Variants in WDFY4 observed in about 807,000 individuals in gnomAD.
WDFY4 encodes WDFY family member 4, also known as WD repeat- and FYVE domain-containing protein 4.
WDFY4 carries 169 observed loss-of-function variants against 351.9 expected under a neutral mutation model. The ratio of observed to expected loss-of-function variants is 0.48; its 90% CI spans 0.42 to 0.55. The LOEUF (loss-of-function observed/expected upper bound fraction) is 0.55. Among genes scored for constraint, WDFY4 ranks in the 20% least tolerant of loss-of-function variants. The pLI, the probability that WDFY4 is intolerant of heterozygous loss-of-function variation, is 0.00. For missense variants in WDFY4, 3,803 were observed against 3,935.6 expected, an observed-to-expected ratio of 0.97 and a Z score of 0.90; for synonymous variants, 1,622 against 1,574.6, an observed-to-expected ratio of 1.03 and a Z score of -0.71.
intron 2 of WDFY4, among the ~76,000 whole-genome samples, chr10:48,713,468 C>T (rs1248026533): frequency 1.3e-5 from 2 of 152,232 alleles, no homozygotes; most frequent in Non-Finnish European, 2.9e-5. Context: ...TAGGCAAGTA[C>T]AAAGGTGGGC....
chr10:48,830,994 C>A, intron 38 of WDFY4, 109 bp downstream of exon 38: 1 of 1,086,844 alleles, frequency 9.2e-7, no homozygotes. Flanking sequence ...GACCCTCTGT[C>A]TCATCCCTTA....
rs954252502 is a variant in WDFY4 at position 48,981,482 on chromosome 10, A to G, written c.9488+4A>G. Reference sequence around the variant, plus strand: ...TGACTGCTCTGGCCGTGTCCAGGTAAGCGCGGCCTTGTTTCTCTGGGTCTC... The same window carrying G: ...TGACTGCTCTGGCCGTGTCCAGGTAGGCGCGGCCTTGTTTCTCTGGGTCTC... On this transcript the variant is annotated splice_donor_region_variant and intron_variant, in intron 61 of 61. Transcript: ENST00000325239. 1 of 1,551,460 alleles carries G rather than the reference A, an allele frequency of 6.4e-7. No individual in the cohort carries two copies. Among genetic ancestry groups the G allele is most frequent in the Admixed American group, 2.0e-5 (1 of 51,000 alleles).
chr10:48,951,407 G>A (rs1293359202), intron 51 of WDFY4, among the ~76,000 whole-genome samples: 1 of 152,092 alleles, frequency 6.6e-6, no homozygotes, highest in Non-Finnish European at 1.5e-5. Flanking sequence ...CCAAGATGCT[G>A]TAGTTCTTTT....
intron 39 of WDFY4, among the ~76,000 whole-genome samples, chr10:48,861,054 T>C (rs543594796): frequency 5.5e-4 from 83 of 152,274 alleles, no homozygotes; most frequent in African/African-American, 1.9e-3. Flanking sequence ...TTCATTTATT[T>C]ATTGTGTTTT....
intron 45 of WDFY4, among the ~76,000 whole-genome samples, chr10:48,899,085 G>A (rs1287375053): frequency 1.3e-5 from 2 of 152,154 alleles, no homozygotes; most frequent in African/African-American, 4.8e-5. Flanking sequence ...TTTTCCCCAA[G>A]TACATGGTGA....
intron 39 of WDFY4, 57 bp downstream of exon 39, chr10:48,832,766 G>A: frequency 6.9e-7 from 1 of 1,451,238 alleles, no homozygotes; most frequent in Non-Finnish European, 9.1e-7. Flanking sequence ...CAAACCCCAT[G>A]AGTCATATCT....
intron 12 of WDFY4, among the ~76,000 whole-genome samples, chr10:48,759,903 A>C (rs1055231590): frequency 1.3e-5 from 2 of 151,930 alleles, no homozygotes; most frequent in Non-Finnish European, 2.9e-5. Context: ...TAAGTGTTTT[A>C]GTTGCATTCG....
intron 55 of WDFY4, chr10:48,967,183 G>T (rs1465832651): frequency 6.5e-6 from 1 of 153,380 alleles, no homozygotes; most frequent in Non-Finnish European, 1.5e-5. Context: ...AGATGGCCCA[G>T]GAGTGCATTC....
Position 48,979,398 on chromosome 10 carries a change from T to C in WDFY4, c.9376+1005T>C, listed in dbSNP as rs568282347. 3.9e-5 allele frequency among the ~76,000 whole-genome samples: 6 copies of C among 152,330 alleles called. No individual in the cohort carries two copies. The East Asian group carries it at 1.2e-3, about 29-fold the overall frequency. On this transcript the variant is annotated intron_variant, in intron 60 of 61. Coordinates refer to ENST00000325239, the MANE Select transcript of WDFY4 (RefSeq NM_001394531.1). ...TTCCCCAGCCTGCTTACAAAGCAGT[T>C]TTCTGCTATACCTGCATGAGACTGC...
At chr10:48,821,814 G>A (rs1473466704) in intron 34 of WDFY4, among the ~76,000 whole-genome samples, 1 of 152,206 alleles carries the variant, frequency 6.6e-6, no homozygotes, top group Non-Finnish European at 1.5e-5. Context: ...GAGTAGCAGG[G>A]TGGTGAAGTG....
At chr10:48,853,881 C>G (rs2069039961) in intron 39 of WDFY4, among the ~76,000 whole-genome samples, 2 of 152,002 alleles carry the variant, frequency 1.3e-5, no homozygotes. Flanking sequence ...TGGGGTTTAT[C>G]TTCGTAATCT....
chr10:48,935,662 T>C (rs1418875143), intron 47 of WDFY4, among the ~76,000 whole-genome samples: 1 of 152,272 alleles, frequency 6.6e-6, no homozygotes, highest in Non-Finnish European at 1.5e-5. Context: ...TACTCTTTTG[T>C]TTCTCTTTGC....
At chr10:48,850,654 A>G (rs1038070849) in intron 39 of WDFY4, among the ~76,000 whole-genome samples, 1 of 152,186 alleles carries the variant, frequency 6.6e-6, no homozygotes, top group Non-Finnish European at 1.5e-5. Context: ...GCAAATGCTT[A>G]TTTCTCACTT....
At chr10:48,718,409 G>C (rs1045571985) in intron 2 of WDFY4, among the ~76,000 whole-genome samples, 2 of 152,186 alleles carry the variant, frequency 1.3e-5, no homozygotes, top group East Asian at 3.8e-4. Context: ...CATTAAAAAT[G>C]TTTTTCCTCT....
chr10:48,944,723 C>A (rs904627113), intron 49 of WDFY4, among the ~76,000 whole-genome samples: 3 of 152,232 alleles, frequency 2.0e-5, no homozygotes, highest in African/African-American at 7.2e-5. Flanking sequence ...ATTTCAAACA[C>A]AAAACCTACT....
At chr10:48,694,065 T>C (rs1010006108) in intron 1 of WDFY4, among the ~76,000 whole-genome samples, 36 of 152,246 alleles carry the variant, frequency 2.4e-4, no homozygotes, top group African/African-American at 8.0e-4. Flanking sequence ...GATCAAATTA[T>C]TCTTGAAATT....
intron 13 of WDFY4, among the ~76,000 whole-genome samples, chr10:48,772,009 C>T (rs1414821556): frequency 1.3e-5 from 2 of 152,180 alleles, no homozygotes; most frequent in African/African-American, 4.8e-5. Flanking sequence ...TGGTCTAGAA[C>T]TCATTTACAT....
chr10:48,828,924 G>GTT (rs764581750), intron 37 of WDFY4, 28 bp downstream of exon 37: 6 of 320,042 alleles, frequency 1.9e-5, no homozygotes, highest in African/African-American at 3.1e-5. Context: ...TTGTGTGTGT[G>GTT]GGCGGGGGGG....
At chr10:48,697,453 G>T (rs567016188) in intron 1 of WDFY4, among the ~76,000 whole-genome samples, 1 of 152,354 alleles carries the variant, frequency 6.6e-6, no homozygotes, top group Non-Finnish European at 1.5e-5. Flanking sequence ...AAGTCACAAT[G>T]TTGGGGAACC....
Sources: gnomAD v4.1 joint callset for allele counts (sites outside exome capture counted in the v4.1 genomes callset) on GRCh38, gnomAD v4.1.1 for gene constraint, MANE v1.5 for transcripts, NCBI Gene and HGNC (gene_info 2026-07-23, HGNC 2026-07-21) for gene names.